CACNG3: variants seen among roughly 807,000 people sequenced by gnomAD.
CACNG3 encodes voltage-dependent calcium channel gamma-3 subunit.
A neutral mutation model predicts 28.5 loss-of-function variants in CACNG3; 3 were observed. The ratio of observed to expected loss-of-function variants is 0.11; its 90% CI spans 0.05 to 0.27. The LOEUF is 0.27. Ranked by LOEUF, CACNG3 falls within the 10% of genes least tolerant of loss-of-function variation. The pLI, the probability that CACNG3 is intolerant of heterozygous loss-of-function variation, is 1.00. For missense variants in CACNG3, 236 were observed against 414.4 expected (o/e 0.57, Z 3.74); for synonymous variants, 174 against 162.2 (o/e 1.07, Z -0.55).
At position 24,362,005 on chromosome 16, in the gene CACNG3, C is replaced by T; in HGVS notation, c.*142C>T. Reference sequence around the variant, plus strand: ...ACCAAATGGACTCAGCCCTCTCCCACATTTTCCCCTCACCCTCCAAGTCCT... The same window carrying T: ...ACCAAATGGACTCAGCCCTCTCCCATATTTTCCCCTCACCCTCCAAGTCCT... On this transcript the variant is annotated 3_prime_UTR_variant, in exon 4 of 4. Coordinates refer to ENST00000005284, the MANE Select transcript of CACNG3 (RefSeq NM_006539.4). 1.2e-6 allele frequency: 1 copy of T among 802,132 alleles called. No homozygotes were observed. 49.7% of individuals were successfully genotyped at this position (802,132 alleles called of 1,614,324 possible).
At chr16:24,260,712 G>A (rs955859161) in intron 1 of CACNG3, among the ~76,000 whole-genome samples, 1 of 152,216 alleles carries the variant, frequency 6.6e-6, no homozygotes, top group African/African-American at 2.4e-5. Context: ...CAGGGATGCA[G>A]GAGACACCAG....
chr16:24,304,165 A>G (rs1382181525), intron 1 of CACNG3, among the ~76,000 whole-genome samples: 1 of 152,170 alleles, frequency 6.6e-6, no homozygotes. Flanking sequence ...GTGGCGGGCT[A>G]GTGGGGGAGT....
chr16:24,334,682 T>C (rs982077812), intron 1 of CACNG3, among the ~76,000 whole-genome samples: 1 of 152,176 alleles, frequency 6.6e-6, no homozygotes, highest in Non-Finnish European at 1.5e-5. Context: ...CTGGATCCAG[T>C]ATTTCTTGAC....
chr16:24,311,498 G>C (rs1421977446), intron 1 of CACNG3, among the ~76,000 whole-genome samples: 1 of 131,372 alleles, frequency 7.6e-6, no homozygotes, highest in Non-Finnish European at 1.5e-5. Context: ...GACAGAACAA[G>C]ACTACATTTC....
intron 1 of CACNG3, among the ~76,000 whole-genome samples, chr16:24,333,698 C>T (rs958343681): frequency 3.3e-5 from 5 of 152,014 alleles, no homozygotes; most frequent in African/African-American, 7.3e-5. Context: ...AAAAATTAGC[C>T]GGGTATGGTG....
intron 3 of CACNG3, 27 bp downstream of exon 3, chr16:24,355,000 TC>T (rs1487592483): frequency 6.2e-7 from 1 of 1,602,980 alleles, no homozygotes; most frequent in Non-Finnish European, 8.5e-7. Flanking sequence ...AGCCCTGAGA[TC>T]TTCACAGATA....
chr16:24,318,475 A>G (rs1899416430), intron 1 of CACNG3, among the ~76,000 whole-genome samples: 1 of 152,206 alleles, frequency 6.6e-6, no homozygotes, highest in Admixed American at 6.5e-5. Flanking sequence ...TACAGGCATG[A>G]ATTACCGCAC....
At chr16:24,257,853 C>T (rs1211223447) in intron 1 of CACNG3, among the ~76,000 whole-genome samples, 2 of 152,166 alleles carry the variant, frequency 1.3e-5, no homozygotes, top group African/African-American at 4.8e-5. Flanking sequence ...CTTTTGTAGC[C>T]TATCACACTA....
intron 1 of CACNG3, among the ~76,000 whole-genome samples, chr16:24,280,614 G>A (rs922047394): frequency 7.2e-5 from 11 of 151,850 alleles, no homozygotes; most frequent in Admixed American, 4.6e-4. Context: ...TCAGGAGTTC[G>A]AGACCAGCCT....
chr16:24,282,361 T>A (rs1898840871), intron 1 of CACNG3, among the ~76,000 whole-genome samples: 1 of 151,858 alleles, frequency 6.6e-6, no homozygotes, highest in Non-Finnish European at 1.5e-5. Flanking sequence ...TGCGGGCTAA[T>A]CCTCCACCCA....
At chr16:24,260,822 A>G (rs1009088717) in intron 1 of CACNG3, among the ~76,000 whole-genome samples, 10 of 152,148 alleles carry the variant, frequency 6.6e-5, no homozygotes, top group Admixed American at 2.0e-4. Flanking sequence ...AGAACGCCCA[A>G]CTCATTAACT....
At chr16:24,355,123 A>C (rs1900012280) in intron 3 of CACNG3, 150 bp downstream of exon 3, 1 of 782,492 alleles carries the variant, frequency 1.3e-6, no homozygotes, top group East Asian at 2.8e-5. Context: ...CAAGAATTCC[A>C]TTAGAACCAA....
At chr16:24,326,949 G>C (rs1470198413) in intron 1 of CACNG3, among the ~76,000 whole-genome samples, 1 of 151,952 alleles carries the variant, frequency 6.6e-6, no homozygotes, top group Non-Finnish European at 1.5e-5. Context: ...GACGCTAACT[G>C]GAGGCTCCAG....
At chr16:24,320,817 C>T (rs988048416) in intron 1 of CACNG3, among the ~76,000 whole-genome samples, 3 of 152,164 alleles carry the variant, frequency 2.0e-5, no homozygotes, top group African/African-American at 7.2e-5. Flanking sequence ...GCAGTCTCAA[C>T]CCTTTAGACA....
chr16:24,345,303 T>A lies in CACNG3; in HGVS notation c.212-1431T>A, dbSNP rs150668557. ...CAGGGAAAGGGACAAGAATGCATAA[T>A]TTCTGGAAAATTTTTTGTCCTTTAA... On this transcript the variant is annotated intron_variant, in intron 1 of 3. Transcript: ENST00000005284. 4.5e-3 allele frequency among the ~76,000 whole-genome samples: 683 copies of A among 152,262 alleles called. 7 individuals carry two copies. The highest frequency in any genetic ancestry group is 0.015 in the African/African-American group (640 of 41,550).
chr16:24,346,883 C>A, intron 2 of CACNG3, 66 bp downstream of exon 2: 1 of 1,277,800 alleles, frequency 7.8e-7, no homozygotes, highest in Non-Finnish European at 1.1e-6. Flanking sequence ...CACTCAGCTG[C>A]CTCTGAGTCG....
At chr16:24,333,409 T>A (rs983832146) in intron 1 of CACNG3, 3 of 152,442 alleles carry the variant, frequency 2.0e-5, no homozygotes, top group Non-Finnish European at 1.5e-5. Flanking sequence ...CTTAAAAAAA[T>A]TTTCAAAGTG....
At chr16:24,332,517 C>T (rs1381497436) in intron 1 of CACNG3, among the ~76,000 whole-genome samples, 1 of 151,474 alleles carries the variant, frequency 6.6e-6, no homozygotes. Flanking sequence ...GCATCAACCA[C>T]AGTTCTTTAC....
At chr16:24,289,002 A>G (rs1275015783) in intron 1 of CACNG3, among the ~76,000 whole-genome samples, 2 of 152,176 alleles carry the variant, frequency 1.3e-5, no homozygotes, top group African/African-American at 4.8e-5. Context: ...CCCAACTGGA[A>G]GCTTTGCATG....
Sources: allele counts gnomAD v4.1 joint callset (sites outside exome capture counted in the v4.1 genomes callset), GRCh38; gene constraint gnomAD v4.1.1; transcripts MANE v1.5; gene names NCBI Gene and HGNC (gene_info 2026-07-23, HGNC 2026-07-21).